CFAP54: variants seen among roughly 807,000 people sequenced by gnomAD.
CFAP54 encodes the protein cilia- and flagella-associated protein 54.
CFAP54 carries 290 observed loss-of-function variants against 370.4 expected under a neutral mutation model. The ratio of observed to expected loss-of-function variants is 0.78; its 90% confidence interval spans 0.71 to 0.86. The LOEUF (loss-of-function observed/expected upper bound fraction) is 0.86, where lower values mean the gene tolerates loss of function less well. CFAP54 is among the 40% of genes least tolerant of loss of function. The probability of loss-of-function intolerance (pLI) is 0.00; values close to 1 mark genes in which losing one functional copy is unlikely to be tolerated. For missense variants in CFAP54, 3,399 were observed against 3,528.7 expected (o/e 0.96, Z 0.93); for synonymous variants, 1,206 against 1,236.5 (o/e 0.98, Z 0.52).
At chr12:96,775,771 C>T (rs1958511658) in intron 60 of CFAP54, among the ~76,000 whole-genome samples, 1 of 152,076 alleles carries the variant, frequency 6.6e-6, no homozygotes, top group Non-Finnish European at 1.5e-5. Flanking sequence ...TTATAAAGGT[C>T]CCGCTTTTGT....
intron 34 of CFAP54, among the ~76,000 whole-genome samples, chr12:96,649,460 C>T (rs950248469): frequency 6.6e-6 from 1 of 152,104 alleles, no homozygotes; most frequent in African/African-American, 2.4e-5. Context: ...TTTTATGCCA[C>T]ACCAGGAGGG....
intron 50 of CFAP54, among the ~76,000 whole-genome samples, chr12:96,738,316 G>A (rs1958004880): frequency 6.6e-6 from 1 of 152,126 alleles, no homozygotes; most frequent in Non-Finnish European, 1.5e-5. Flanking sequence ...TGCTGTTACT[G>A]GTTTCCTAAG....
At chr12:96,516,004 C>T (rs757039171) in intron 5 of CFAP54, among the ~76,000 whole-genome samples, 1 of 151,152 alleles carries the variant, frequency 6.6e-6, no homozygotes, top group Non-Finnish European at 1.5e-5. Flanking sequence ...CAAGCTCCAC[C>T]TCCCGGGTTC....
At chr12:96,537,695 T>C (rs1479071068) in intron 12 of CFAP54, among the ~76,000 whole-genome samples, 2 of 152,074 alleles carry the variant, frequency 1.3e-5, no homozygotes, top group Non-Finnish European at 2.9e-5. Context: ...TATATGTAAA[T>C]TTCACAGTCA....
intron 44 of CFAP54, among the ~76,000 whole-genome samples, chr12:96,693,480 TG>T (rs1024967746): frequency 6.6e-5 from 10 of 152,186 alleles, no homozygotes; most frequent in African/African-American, 2.4e-4. Context: ...AACCTAGGTT[TG>T]GGGTACCAAA....
chr12:96,500,356 C>A (rs1955012479), intron 1 of CFAP54, among the ~76,000 whole-genome samples: 1 of 152,190 alleles, frequency 6.6e-6, no homozygotes, highest in Non-Finnish European at 1.5e-5. Flanking sequence ...AATCTACTCT[C>A]TGATATTTTC....
At position 96,521,870 on chromosome 12, in the gene CFAP54, G is replaced by A. The variant is rs548308128; in HGVS notation, c.956G>A (p.Arg319His). 1.7e-5 allele frequency: 26 copies of A among 1,526,472 alleles called. No individual in the cohort carries two copies. Among genetic ancestry groups the A allele is most frequent in the South Asian group, 7.2e-5 (6 of 83,386 alleles). The allele number at this position is 1,526,472 out of a possible 1,614,324, so 94.6% of individuals were successfully genotyped here. Reference sequence around the variant, plus strand: ...AATCACATGTAGGCATTTGCTCGGCGTGCTTTGGCTAAAATTGATGAGTTA... The same window carrying A: ...AATCACATGTAGGCATTTGCTCGGCATGCTTTGGCTAAAATTGATGAGTTA... Reference protein sequence around the residue: ...AGIHGEAFARRALAKIDELRQ... With the variant: ...AGIHGEAFARHALAKIDELRQ... The change falls in exon 7 of 68, where the codon CGT (arginine) becomes CAT (histidine). Residue 319 changes from arginine to histidine, a missense_variant. By Grantham distance (29) the Arg-to-His change is conservative. Coordinates refer to ENST00000524981, the MANE Select transcript of CFAP54 (RefSeq NM_001306084.2).
chr12:96,671,908 G>A (rs2136535957), intron 39 of CFAP54, among the ~76,000 whole-genome samples: 1 of 151,668 alleles, frequency 6.6e-6, no homozygotes, highest in Admixed American at 6.6e-5. Flanking sequence ...CATGACAAGA[G>A]TGAAACTCTT....
intron 55 of CFAP54, among the ~76,000 whole-genome samples, chr12:96,750,087 C>A (rs1478400332): frequency 6.6e-6 from 1 of 152,218 alleles, no homozygotes; most frequent in Non-Finnish European, 1.5e-5. Context: ...TCCTGGAAAA[C>A]CAAGAAGGCA....
chr12:96,672,658 T>C (rs1336053374), intron 39 of CFAP54, among the ~76,000 whole-genome samples: 1 of 152,210 alleles, frequency 6.6e-6, no homozygotes, highest in African/African-American at 2.4e-5. Flanking sequence ...GATGAGTTTT[T>C]TTCAGAGTAC....
chr12:96,492,006 C>T lies in CFAP54; in HGVS notation c.317+2080C>T, dbSNP rs530068598. On this transcript the variant is annotated intron_variant, in intron 1 of 67. Coordinates refer to ENST00000524981, the MANE Select transcript of CFAP54 (RefSeq NM_001306084.2). ...AACTCCTGACCTCAGGTGATCCACC[C>T]GCCTTGGCCTCCAAGATTGCTGAGG... Among the ~76,000 whole-genome samples, 10 of 152,268 alleles carry T rather than the reference C, an allele frequency of 6.6e-5. No homozygotes were observed. The East Asian group carries it at 1.2e-3, about 18-fold the overall frequency.
chr12:96,499,967 C>A (rs938072484), intron 1 of CFAP54, among the ~76,000 whole-genome samples: 1 of 151,406 alleles, frequency 6.6e-6, no homozygotes, highest in Admixed American at 6.6e-5. Context: ...CAAAACAAAA[C>A]AAAACAAAAC....
rs548915747 is a variant in CFAP54, at chr12:96,826,018, TTAA to T, written c.9097-2990_9097-2988del. ...AAATAACAATATATTAATATAGAAATTAATAATAGATATTAATATATTATATAT... is the reference window on the plus strand; with the variant it reads ...AAATAACAATATATTAATATAGAAATTAATAGATATTAATATATTATATAT... On this transcript the variant is annotated intron_variant, in intron 65 of 67. Coordinates refer to ENST00000524981, the MANE Select transcript of CFAP54 (RefSeq NM_001306084.2). Among the ~76,000 whole-genome samples the T allele has an allele frequency of 2.1e-3, 304 of 143,998 alleles. 1 individual carries two copies. Among genetic ancestry groups the T allele is most frequent in the Non-Finnish European group, 1.8e-3 (122 of 66,102 alleles). The allele number at this position is 143,998 out of a possible 152,430, so 94.5% of individuals were successfully genotyped here.
chr12:96,723,636 C>T (rs10860074), intron 50 of CFAP54, among the ~76,000 whole-genome samples: 57,304 of 151,592 alleles, frequency 0.38, 11,958 homozygotes, highest in East Asian at 0.68. Flanking sequence ...AAGAGAGAAA[C>T]TGGAGCCCAC....
In CFAP54 at chr12:96,679,668, G is replaced by A; in HGVS notation, c.5632G>A (p.Glu1878Lys). 1.2e-6 allele frequency: 2 copies of A among 1,613,986 alleles called. No individual in the cohort carries two copies. The highest frequency in any genetic ancestry group is 1.7e-6 in the Non-Finnish European group (2 of 1,179,916). Residue 1878 changes from glutamate (E) to lysine (K), a missense_variant, in exon 40 of 68, where the codon GAG (glutamate) becomes AAG (lysine). By Grantham distance (56) the Glu-to-Lys change is moderately conservative. Transcript: ENST00000524981. Reference protein sequence around the residue: ...DVTDTLRCFRETLEKSKYHNR... With the variant: ...DVTDTLRCFRKTLEKSKYHNR... ...GACAGACACCTTGAGGTGTTTTAGA[G>A]AGACACTGGAAAAATCCAAATACCA...
At chr12:96,786,972 A>G in intron 62 of CFAP54, 74 bp downstream of exon 62, 2 of 1,068,600 alleles carry the variant, frequency 1.9e-6, no homozygotes, top group Non-Finnish European at 2.6e-6. Flanking sequence ...AAGGAAACAC[A>G]TTAGCTTCCA....
intron 39 of CFAP54, among the ~76,000 whole-genome samples, chr12:96,664,619 C>T (rs1315412998): frequency 2.8e-3 from 160 of 56,388 alleles, no homozygotes; most frequent in Middle Eastern, 8.2e-3. Flanking sequence ...TTACCAAGAA[C>T]GTATGTGTGT....
chr12:96,737,551 G>A (rs1211559661), intron 50 of CFAP54, among the ~76,000 whole-genome samples: 4 of 150,156 alleles, frequency 2.7e-5, no homozygotes, highest in East Asian at 2.0e-4. Flanking sequence ...GTACAGTGGC[G>A]CCATCTTGGC....
intron 1 of CFAP54, among the ~76,000 whole-genome samples, chr12:96,497,580 C>T (rs1373861860): frequency 6.6e-6 from 1 of 152,146 alleles, no homozygotes; most frequent in Middle Eastern, 3.2e-3. Flanking sequence ...ACATTCCTTG[C>T]CAGGCGTGAC....
Sources: allele counts gnomAD v4.1 joint callset (sites outside exome capture counted in the v4.1 genomes callset), GRCh38; gene constraint gnomAD v4.1.1; transcripts MANE v1.5; gene names NCBI Gene and HGNC (gene_info 2026-07-23, HGNC 2026-07-21).